SLC25A42: variants seen among roughly 807,000 people sequenced by gnomAD.
The protein encoded by SLC25A42 is mitochondrial coenzyme A transporter SLC25A42.
In SLC25A42, 19 loss-of-function variants were observed where a neutral mutation model predicts 34.7. The observed-to-expected ratio is 0.55, with a 90% CI of 0.38 to 0.80. The LOEUF (loss-of-function observed/expected upper bound fraction) is 0.80. Among genes scored for constraint, SLC25A42 ranks in the 30% least tolerant of loss-of-function variants. The pLI, the probability that SLC25A42 is intolerant of heterozygous loss-of-function variation, is 0.00. For synonymous variants in SLC25A42, 205 were observed against 191.2 expected, an observed-to-expected ratio of 1.07 and a Z score of -0.59; for missense variants, 364 against 441.3, an observed-to-expected ratio of 0.82 and a Z score of 1.57.
At chr19:19,065,319 C>T (rs996235099) in intron 1 of SLC25A42, among the ~76,000 whole-genome samples, 20 of 152,106 alleles carry the variant, frequency 1.3e-4, no homozygotes, top group African/African-American at 3.6e-4. Context: ...CTCCGACACT[C>T]CCTGGGCCCT....
chr19:19,095,780 C>G (rs898499966), intron 1 of SLC25A42, among the ~76,000 whole-genome samples: 1 of 152,206 alleles, frequency 6.6e-6, no homozygotes, highest in Non-Finnish European at 1.5e-5. Context: ...AGCACCTCGG[C>G]CACGCTGGCC....
chr19:19,110,074 C>T lies in SLC25A42; in HGVS notation c.650-495C>T, dbSNP rs117433660. On this transcript the variant is annotated intron_variant, in intron 7 of 7. Coordinates refer to ENST00000318596, the MANE Select transcript of SLC25A42 (RefSeq NM_178526.5). ...AGAAATTTTATTTCTCGGCCGGGCT[C>T]GGTGGCTCATGTCTGTAATCCCAGC... Among the ~76,000 whole-genome samples the T allele has an allele frequency of 1.1e-4, 17 of 152,198 alleles. 1 individual carries two copies. In the Middle Eastern group the frequency reaches 0.024, roughly 213 times the overall value.
chr19:19,069,247 C>G (rs1260011283), intron 1 of SLC25A42, among the ~76,000 whole-genome samples: 1 of 152,146 alleles, frequency 6.6e-6, no homozygotes, highest in Admixed American at 6.5e-5. Context: ...AGGGGCTCAA[C>G]AAAGTTCTCT....
In SLC25A42 at chr19:19,106,249, TCTC is replaced by T. The variant is rs775425113; in HGVS notation, c.381-14_381-12del. On this transcript the variant is annotated splice_polypyrimidine_tract_variant and intron_variant, in intron 5 of 7. Coordinates refer to ENST00000318596, the MANE Select transcript of SLC25A42 (RefSeq NM_178526.5). The stretch of plus-strand genomic sequence containing the variant: ...CAACCCCCTCACTGCCGTCTCGCCT[TCTC>T]CTCCTGCCCTGTTCAGAGCCCTGCC... The T allele has an allele frequency of 1.1e-5, 17 of 1,599,914 alleles. No individual in the cohort carries two copies. Among genetic ancestry groups the T allele is most frequent in the East Asian group, 6.7e-5 (3 of 44,578 alleles).
chr19:19,067,910 G>GT (rs538025779), intron 1 of SLC25A42, among the ~76,000 whole-genome samples: 6 of 151,892 alleles, frequency 4.0e-5, no homozygotes, highest in African/African-American at 7.3e-5. Flanking sequence ...GTGTCATACA[G>GT]TTTTTTTTGT....
At chr19:19,084,848 C>G (rs188742015) in intron 1 of SLC25A42, among the ~76,000 whole-genome samples, 1 of 150,874 alleles carries the variant, frequency 6.6e-6, no homozygotes, top group East Asian at 2.0e-4. Flanking sequence ...ATCCCAGCTA[C>G]TGGGGAGGTG....
At chr19:19,087,235 C>T (rs1688420792) in intron 1 of SLC25A42, among the ~76,000 whole-genome samples, 1 of 151,832 alleles carries the variant, frequency 6.6e-6, no homozygotes, top group Admixed American at 6.6e-5. Context: ...CTGGTTTATT[C>T]GGTTATTCAT....
intron 2 of SLC25A42, among the ~76,000 whole-genome samples, chr19:19,097,955 CCT>C (rs2059774317): frequency 9.1e-6 from 1 of 109,584 alleles, no homozygotes; most frequent in African/African-American, 3.6e-5. Context: ...AGAGTGAGAC[CCT>C]GTCTCAGAAA....
Position 19,112,079 on chromosome 19 carries a change from ATTTC to A in SLC25A42, c.*1207_*1210del, listed in dbSNP as rs1008624755. The A allele has an allele frequency of 6.6e-6, 1 of 152,112 alleles. No individual in the cohort carries two copies. The highest frequency in any genetic ancestry group is 1.5e-5 in the Non-Finnish European group (1 of 68,052). 9.4% of individuals were successfully genotyped at this position (152,112 alleles called of 1,614,324 possible). A position where few individuals can be genotyped will look rare whatever the true frequency, so the allele number is the denominator to read the frequency against. ...TCCTAATGACATGGTGAGTTTCTTG[ATTTC>A]TTTTTTTTGTTTGTTTTGTTTTGGT... On this transcript the variant is annotated 3_prime_UTR_variant, in exon 8 of 8. Transcript: ENST00000318596. This position sits in a 1 kb window ranked among gnomAD's most constrained non-coding sequence, Gnocchi z 4.3.
At chr19:19,095,202 G>A (rs2059757869) in intron 1 of SLC25A42, among the ~76,000 whole-genome samples, 1 of 90,202 alleles carries the variant, frequency 1.1e-5, no homozygotes, top group Non-Finnish European at 2.3e-5. Context: ...TTCTGTCAAA[G>A]CAAAAACAAA....
At chr19:19,106,207 G>A in intron 5 of SLC25A42, 62 bp from the exon 6 acceptor site, 2 of 1,412,508 alleles carry the variant, frequency 1.4e-6, no homozygotes, top group Non-Finnish European at 2.0e-6. Flanking sequence ...GCTCCAGGCT[G>A]GGCCTCTGTG....
At chr19:19,102,014 G>GTT (rs375720887) in intron 3 of SLC25A42, 128 bp downstream of exon 3, 1,076 of 516,260 alleles carry the variant, frequency 2.1e-3, no homozygotes, top group Non-Finnish European at 2.3e-3. Context: ...GTTTTTTGTT[G>GTT]TTTTTTTTTT....
rs891514114 is a variant in SLC25A42, at chr19:19,109,289, G to A, written c.649+1244G>A. On this transcript the variant is annotated intron_variant, in intron 7 of 7. Transcript: ENST00000318596. The surrounding 1 kb of genome is among the most constrained non-coding windows in gnomAD (Gnocchi z 4.1). ...GTGATCAGCCGACATCCAGGAGCTC[G>A]TCTCCTTGTGTGACTGTAAAACCCC... 2.0e-5 allele frequency among the ~76,000 whole-genome samples: 3 copies of A among 152,284 alleles called. No individual in the cohort carries two copies. Among genetic ancestry groups the A allele is most frequent in the South Asian group, 2.1e-4 (1 of 4,822 alleles).
chr19:19,075,714 T>A (rs1233916618), intron 1 of SLC25A42, among the ~76,000 whole-genome samples: 2 of 152,158 alleles, frequency 1.3e-5, no homozygotes, highest in African/African-American at 2.4e-5. Context: ...AAAGGGTGCT[T>A]CCTGGGCTCC....
intron 1 of SLC25A42, among the ~76,000 whole-genome samples, chr19:19,065,700 CATGTATGTATAT>C (rs1412636154): frequency 3.3e-5 from 5 of 151,912 alleles, no homozygotes; most frequent in Admixed American, 6.6e-5. Context: ...CATATATGGG[CATGTATGTATAT>C]ATGTATGTAT....
chr19:19,105,734 C>T lies in SLC25A42; in HGVS notation c.380+7C>T. The T allele has an allele frequency of 6.5e-7, 1 of 1,532,716 alleles. No individual in the cohort carries two copies. Among genetic ancestry groups the T allele is most frequent in the Non-Finnish European group, 8.8e-7 (1 of 1,133,604 alleles). 94.9% of individuals were successfully genotyped at this position (1,532,716 alleles called of 1,614,324 possible). A position where few individuals can be genotyped will look rare whatever the true frequency, so the allele number is the denominator to read the frequency against. On this transcript the variant is annotated splice_region_variant and intron_variant, in intron 5 of 7. Transcript: ENST00000318596. ...ACTATGGCTTCCGTGGAGAGTGAGG[C>T]CCCGCCCCGCCCTGCCACAGAATCG...
chr19:19,084,529 T>G (rs1478086867), intron 1 of SLC25A42, among the ~76,000 whole-genome samples: 1 of 152,012 alleles, frequency 6.6e-6, no homozygotes, highest in Non-Finnish European at 1.5e-5. Context: ...AAAAAATAAA[T>G]GGGGGAGGAG....
At chr19:19,102,075 C>G (rs148061682) in intron 3 of SLC25A42, among the ~76,000 whole-genome samples, 189 bp downstream of exon 3, 5,559 of 151,530 alleles carry the variant, frequency 0.037, 386 homozygotes, top group East Asian at 0.33. Context: ...GTGGTGCAAT[C>G]TTGGCTCACC....
At chr19:19,078,945 G>A (rs1275033164) in intron 1 of SLC25A42, among the ~76,000 whole-genome samples, 2 of 151,540 alleles carry the variant, frequency 1.3e-5, no homozygotes, top group African/African-American at 4.9e-5. Context: ...GTTTTAAAGT[G>A]AACAATTCAG....
Sources: allele counts gnomAD v4.1 joint callset (sites outside exome capture counted in the v4.1 genomes callset), GRCh38; gene constraint gnomAD v4.1.1; non-coding constraint Gnocchi (gnomAD v3.1); transcripts MANE v1.5; gene names NCBI Gene and HGNC (gene_info 2026-07-23, HGNC 2026-07-21).